Variants in IQCJ observed in about 807,000 individuals in gnomAD.
IQCJ encodes the protein IQ domain-containing protein J.
A neutral mutation model predicts 11.0 loss-of-function variants in IQCJ; 9 were observed. The ratio of observed to expected loss-of-function variants is 0.82; its 90% CI spans 0.49 to 1.43. IQCJ has a LOEUF of 1.43. Ranked by LOEUF, IQCJ falls within the 40% of genes most tolerant of loss-of-function variation. The pLI, the probability that IQCJ is intolerant of heterozygous loss-of-function variation, is 0.00. For missense variants in IQCJ, 146 were observed against 133.2 expected (o/e 1.10, Z -0.47); for synonymous variants, 55 against 51.3 (o/e 1.07, Z -0.31).
chr3:159,239,142 C>T (rs1390678116), intron 1 of IQCJ, among the ~76,000 whole-genome samples: 1 of 151,950 alleles, frequency 6.6e-6, no homozygotes, highest in African/African-American at 2.4e-5. Context: ...CTTGCTTATC[C>T]ATCTCTGAGA....
chr3:159,233,588 C>G (rs1269702493), intron 1 of IQCJ, among the ~76,000 whole-genome samples: 1 of 152,134 alleles, frequency 6.6e-6, no homozygotes, highest in Non-Finnish European at 1.5e-5. Flanking sequence ...TGGTGCAAGA[C>G]TGAATTTTTA....
chr3:159,248,880 G>A (rs1235381087), intron 2 of IQCJ, among the ~76,000 whole-genome samples: 1 of 149,292 alleles, frequency 6.7e-6, no homozygotes, highest in African/African-American at 2.5e-5. Context: ...TTTTTGAGAT[G>A]GGGTCTTGCT....
intron 1 of IQCJ, among the ~76,000 whole-genome samples, chr3:159,093,475 C>G (rs1717491696): frequency 6.6e-6 from 1 of 151,734 alleles, no homozygotes; most frequent in Admixed American, 6.6e-5. Flanking sequence ...TAAAATGCTC[C>G]ACTTTTGAGT....
At chr3:159,207,956 T>C (rs931863375) in intron 1 of IQCJ, among the ~76,000 whole-genome samples, 1 of 152,208 alleles carries the variant, frequency 6.6e-6, no homozygotes, top group African/African-American at 2.4e-5. Flanking sequence ...CACAATAGTT[T>C]GGAGGCAATT....
At chr3:159,226,371 T>C (rs7619000) in intron 1 of IQCJ, among the ~76,000 whole-genome samples, 5,045 of 152,148 alleles carry the variant, frequency 0.033, 259 homozygotes, top group African/African-American at 0.12. Context: ...ATTCCAAGGG[T>C]CTTAGAAGTT....
intron 1 of IQCJ, among the ~76,000 whole-genome samples, chr3:159,153,654 A>G (rs532248224): frequency 6.6e-6 from 1 of 152,216 alleles, no homozygotes; most frequent in Non-Finnish European, 1.5e-5. Context: ...GCTGATTTTC[A>G]TGAAGATTAA....
intron 1 of IQCJ, among the ~76,000 whole-genome samples, chr3:159,182,765 T>C (rs1020665591): frequency 7.5e-6 from 1 of 133,652 alleles, no homozygotes; most frequent in Non-Finnish European, 1.6e-5. Flanking sequence ...GGTCAATCTT[T>C]ATTTTTATTT....
At chr3:159,254,855 C>T (rs77783327) in intron 3 of IQCJ, among the ~76,000 whole-genome samples, 146 of 152,294 alleles carry the variant, frequency 9.6e-4, no homozygotes, top group Non-Finnish European at 1.9e-3. Flanking sequence ...TAACAACTGT[C>T]CTATGTTTTG....
intron 1 of IQCJ, among the ~76,000 whole-genome samples, chr3:159,229,504 C>G (rs1190898113): frequency 2.0e-5 from 3 of 151,848 alleles, no homozygotes; most frequent in Non-Finnish European, 4.4e-5. Context: ...TAATAGCTTC[C>G]CCTTCGGCCA....
At chr3:159,180,349 T>C (rs1311630229) in intron 1 of IQCJ, among the ~76,000 whole-genome samples, 1 of 152,066 alleles carries the variant, frequency 6.6e-6, no homozygotes, top group Non-Finnish European at 1.5e-5. Context: ...AGTGATTGTG[T>C]GCACACATAG....
chr3:159,257,531 A>G (rs1027906802), intron 3 of IQCJ, among the ~76,000 whole-genome samples: 1 of 152,162 alleles, frequency 6.6e-6, no homozygotes, highest in African/African-American at 2.4e-5. Flanking sequence ...TCAGTGTGGC[A>G]GTGAAGTCGA....
At chr3:159,154,960 T>C (rs1414270548) in intron 1 of IQCJ, among the ~76,000 whole-genome samples, 1 of 152,108 alleles carries the variant, frequency 6.6e-6, no homozygotes, top group Non-Finnish European at 1.5e-5. Context: ...TTCACATTTG[T>C]ATTTCCCACC....
chr3:159,083,632 CTG>C (rs1482222958), intron 1 of IQCJ, among the ~76,000 whole-genome samples: 2 of 152,084 alleles, frequency 1.3e-5, no homozygotes, highest in Non-Finnish European at 2.9e-5. Context: ...AAAATGAAAA[CTG>C]TATTCACATA....
intron 1 of IQCJ, among the ~76,000 whole-genome samples, chr3:159,072,411 G>A (rs146417233): frequency 1.8e-4 from 28 of 152,062 alleles, no homozygotes; most frequent in Non-Finnish European, 4.0e-4. Context: ...AGTAAATCAC[G>A]GGAGGAGACA....
chr3:159,157,950 C>T (rs1490940557), intron 1 of IQCJ, among the ~76,000 whole-genome samples: 1 of 152,100 alleles, frequency 6.6e-6, no homozygotes, highest in Non-Finnish European at 1.5e-5. Context: ...CAATTCCCTA[C>T]TGAGAGACAT....
intron 1 of IQCJ, among the ~76,000 whole-genome samples, chr3:159,223,709 A>G (rs1725684134): frequency 6.6e-6 from 1 of 152,168 alleles, no homozygotes. Context: ...CATGTTGAGT[A>G]TCTGTAATCT....
intron 1 of IQCJ, among the ~76,000 whole-genome samples, chr3:159,084,662 G>T (rs1716579156): frequency 6.6e-6 from 1 of 152,062 alleles, no homozygotes; most frequent in Non-Finnish European, 1.5e-5. Flanking sequence ...GTAATCAGAG[G>T]AGCTAGTCTA....
chr3:159,081,409 A>G (rs1288338621), intron 1 of IQCJ, among the ~76,000 whole-genome samples: 1 of 152,094 alleles, frequency 6.6e-6, no homozygotes, highest in Non-Finnish European at 1.5e-5. Context: ...TGCTGATATC[A>G]GAGCCAGGCT....
In IQCJ at chr3:159,262,721, C is replaced by T. The variant is rs1186115861; in HGVS notation, c.329C>T (p.Thr110Ile). The T allele has an allele frequency of 1.2e-6, 2 of 1,612,998 alleles. No homozygotes were observed. The highest frequency in any genetic ancestry group is 3.3e-5 in the Admixed American group (2 of 59,950). The change falls in exon 4 of 4, where the codon ACA becomes ATA. Residue 110 changes from threonine (T) to isoleucine (I), a missense_variant. By Grantham distance (89) the Thr-to-Ile change is moderately conservative. Coordinates refer to ENST00000397832, the MANE Select transcript of IQCJ (RefSeq NM_001042706.3). ...TTTCTTTTTCTATGTCCTGACTTGA[C>T]ATTCAACTGAAAGCCTAGACTTTGG... Reference protein sequence around the residue: ...VMFLFLCPDLTFN With the variant: ...VMFLFLCPDLIFN
Sources: allele counts gnomAD v4.1 joint callset (sites outside exome capture counted in the v4.1 genomes callset), GRCh38; gene constraint gnomAD v4.1.1; transcripts MANE v1.5; gene names NCBI Gene and HGNC (gene_info 2026-07-23, HGNC 2026-07-21).